Variants in EZH2 observed in about 807,000 individuals in gnomAD.
EZH2 encodes the protein enhancer of zeste 2 polycomb repressive complex 2 subunit, also known as histone-lysine N-methyltransferase EZH2.
Under a neutral mutation model 98.4 loss-of-function variants are expected in EZH2, and 18 were observed. The observed-to-expected ratio is 0.18, with a 90% CI of 0.13 to 0.27. The LOEUF is 0.27. EZH2 is among the 10% of genes least tolerant of loss of function. The pLI, the probability that EZH2 is intolerant of heterozygous loss-of-function variation, is 1.00. For missense variants in EZH2, 470 were observed against 935.1 expected (o/e 0.50, Z 6.49); for synonymous variants, 338 against 312.3 (o/e 1.08, Z -0.87).
chr7:148,841,782 C>A (rs1022816553), intron 3 of EZH2, among the ~76,000 whole-genome samples: 1 of 152,074 alleles, frequency 6.6e-6, no homozygotes, highest in Admixed American at 6.5e-5. Context: ...ATAAAAAATG[C>A]AATCGAGTGT....
intron 1 of EZH2, among the ~76,000 whole-genome samples, chr7:148,852,067 A>C (rs1411990207): frequency 6.6e-6 from 1 of 152,228 alleles, no homozygotes; most frequent in East Asian, 1.9e-4. Flanking sequence ...TTCCTGTTCA[A>C]AACAGATTAT....
chr7:148,880,021 A>C (rs1188453718), intron 1 of EZH2, among the ~76,000 whole-genome samples: 1 of 152,212 alleles, frequency 6.6e-6, no homozygotes, highest in Non-Finnish European at 1.5e-5. Flanking sequence ...AGACAGGAGG[A>C]TCCCTTGAGC....
At chr7:148,880,555 C>G (rs1477825073) in intron 1 of EZH2, among the ~76,000 whole-genome samples, 1 of 152,188 alleles carries the variant, frequency 6.6e-6, no homozygotes, top group African/African-American at 2.4e-5. Context: ...GTAATAGTTG[C>G]ATCTAAAGGA....
intron 1 of EZH2, among the ~76,000 whole-genome samples, chr7:148,868,664 G>A (rs938822495): frequency 6.6e-6 from 1 of 152,160 alleles, no homozygotes; most frequent in South Asian, 2.1e-4. Context: ...ATGAGTGGCT[G>A]ACATTAAGAA....
intron 2 of EZH2, among the ~76,000 whole-genome samples, 175 bp from the exon 3 acceptor site, chr7:148,846,773 C>G (rs1181413016): frequency 6.6e-6 from 1 of 151,148 alleles, no homozygotes; most frequent in Non-Finnish European, 1.5e-5. Flanking sequence ...ACAAAAACAC[C>G]ACATCTGTTA....
In EZH2 at chr7:148,849,574, A is replaced by G. The variant is rs115568646; in HGVS notation, c.-7-2269T>C. Among the ~76,000 whole-genome samples, 222 of 152,308 alleles carry G rather than the reference A, an allele frequency of 1.5e-3. 2 individuals carry two copies. The highest frequency in any genetic ancestry group is 5.2e-3 in the African/African-American group (216 of 41,568). ...AGTGTGGCCTTGCCTGCGAGTTGCT[A>G]AAGTGGAATAAAGCTGACAGTCACT... is the stretch of plus-strand genomic sequence containing the variant. On this transcript the variant is annotated intron_variant, in intron 1 of 19. Transcript: ENST00000320356.
intron 1 of EZH2, among the ~76,000 whole-genome samples, chr7:148,864,186 C>T (rs1390139893): frequency 2.0e-5 from 3 of 152,188 alleles, no homozygotes; most frequent in African/African-American, 7.2e-5. Context: ...GATCACTTTC[C>T]TCCTTCCAGC....
rs569296474 is a variant in EZH2 at position 148,879,636 on chromosome 7, G to A, written c.-8+4528C>T. Among the ~76,000 whole-genome samples the A allele has an allele frequency of 1.1e-4, 17 of 152,170 alleles. 1 individual carries two copies. In the South Asian group the frequency reaches 3.3e-3, roughly 30 times the overall value. Reference sequence around the variant, plus strand: ...ACCCAGGAGGTGGAGGTTGCAGTGAGCCAAGATGGTGCCACTGCACTCCAG... The same window carrying A: ...ACCCAGGAGGTGGAGGTTGCAGTGAACCAAGATGGTGCCACTGCACTCCAG... On this transcript the variant is annotated intron_variant, in intron 1 of 19. Transcript: ENST00000320356.
chr7:148,878,026 T>C (rs192081572), intron 1 of EZH2, among the ~76,000 whole-genome samples: 1 of 152,300 alleles, frequency 6.6e-6, no homozygotes, highest in Admixed American at 6.5e-5. Flanking sequence ...AGTTTCCTCA[T>C]CTGTAAAGGT....
chr7:148,843,615 A>AGTTG, intron 3 of EZH2, among the ~76,000 whole-genome samples: 1 of 62,906 alleles, frequency 1.6e-5, no homozygotes, highest in Non-Finnish European at 2.8e-5. Flanking sequence ...TTTTTTTTTG[A>AGTTG]GACAGCGTCT....
intron 3 of EZH2, among the ~76,000 whole-genome samples, chr7:148,843,912 T>C (rs944464994): frequency 6.6e-6 from 1 of 152,166 alleles, no homozygotes; most frequent in Admixed American, 6.5e-5. Context: ...AGTATAAGTT[T>C]AAGACCTGAC....
intron 1 of EZH2, among the ~76,000 whole-genome samples, chr7:148,872,839 CTTTT>C (rs879385903): frequency 6.8e-6 from 1 of 146,250 alleles, no homozygotes; most frequent in Non-Finnish European, 1.5e-5. Context: ...TTTTTGATAC[CTTTT>C]TTTTTTTAAA....
chr7:148,847,485 AG>A (rs1252355938), intron 1 of EZH2, among the ~76,000 whole-genome samples, 180 bp from the exon 2 acceptor site: 4 of 152,244 alleles, frequency 2.6e-5, no homozygotes, highest in African/African-American at 9.6e-5. Flanking sequence ...CTTCATTGAA[AG>A]TTTAAGTTAA....
chr7:148,850,971 C>T (rs769872535), intron 1 of EZH2, among the ~76,000 whole-genome samples: 2 of 152,010 alleles, frequency 1.3e-5, no homozygotes, highest in Non-Finnish European at 2.9e-5. Context: ...CTCAAAATAT[C>T]GTAACATTTT....
chr7:148,879,253 AAAAC>A (rs1038087175), intron 1 of EZH2, among the ~76,000 whole-genome samples: 3 of 151,612 alleles, frequency 2.0e-5, no homozygotes, highest in Non-Finnish European at 4.4e-5. Context: ...ACAAAAAACA[AAAAC>A]AAAAACAACA....
intron 1 of EZH2, among the ~76,000 whole-genome samples, chr7:148,852,801 C>CT (rs953665651): frequency 1.3e-5 from 2 of 152,118 alleles, no homozygotes; most frequent in Admixed American, 6.6e-5. Context: ...AAATTCCCAT[C>CT]TTTTTTTTCT....
chr7:148,863,963 G>A (rs1477886664), intron 1 of EZH2, among the ~76,000 whole-genome samples: 2 of 152,212 alleles, frequency 1.3e-5, no homozygotes, highest in African/African-American at 4.8e-5. Context: ...ATAATGAACA[G>A]CATTCGCCTT....
At chr7:148,848,579 C>T (rs1158474651) in intron 1 of EZH2, among the ~76,000 whole-genome samples, 1 of 152,106 alleles carries the variant, frequency 6.6e-6, no homozygotes, top group Non-Finnish European at 1.5e-5. Context: ...AATACTCAAC[C>T]ACCAACAGAT....
chr7:148,814,226 C>T, intron 14 of EZH2, 89 bp from the exon 15 acceptor site: 2 of 1,192,554 alleles, frequency 1.7e-6, no homozygotes, highest in Non-Finnish European at 2.4e-6. Flanking sequence ...CTGGGCATCT[C>T]ACTGACTCTC....
Sources: gnomAD v4.1 joint callset for allele counts (sites outside exome capture counted in the v4.1 genomes callset) on GRCh38, gnomAD v4.1.1 for gene constraint, MANE v1.5 for transcripts, NCBI Gene and HGNC (gene_info 2026-07-23, HGNC 2026-07-21) for gene names.